Variants in SLC24A2 observed in about 807,000 individuals in gnomAD.
The protein encoded by SLC24A2 is sodium/potassium/calcium exchanger 2.
Under a neutral mutation model 62.0 loss-of-function variants are expected in SLC24A2, and 36 were observed. That is an observed-to-expected ratio of 0.58 (90% CI 0.44 to 0.77). The LOEUF (loss-of-function observed/expected upper bound fraction) is 0.77. SLC24A2 is among the 30% of genes least tolerant of loss of function. SLC24A2 has a pLI of 0.00. For synonymous variants in SLC24A2, 358 were observed against 294.0 expected (o/e 1.22, Z -2.23); for missense variants, 846 against 817.9 (o/e 1.03, Z -0.42).
intron 2 of SLC24A2, among the ~76,000 whole-genome samples, chr9:19,707,363 T>C (rs1820563483): frequency 1.3e-5 from 2 of 152,146 alleles, no homozygotes; most frequent in Admixed American, 1.3e-4. Flanking sequence ...CTGAAACTAT[T>C]CCAATCAATA....
chr9:19,927,400 T>G, the SLC24A2 span: 1 of 152,206 alleles, frequency 6.6e-6, no homozygotes, highest in Admixed American at 6.5e-5. Context: ...AAATGGCACC[T>G]ACTTCACTTG....
the SLC24A2 span, among the ~76,000 whole-genome samples, chr9:20,131,164 G>C: frequency 7.2e-5 from 11 of 152,064 alleles, no homozygotes; most frequent in African/African-American, 2.7e-4. Flanking sequence ...TACGCGCCCT[G>C]TGCACACAAG....
At chr9:19,901,814 T>C in the SLC24A2 span, among the ~76,000 whole-genome samples, 2 of 152,074 alleles carry the variant, frequency 1.3e-5, no homozygotes, top group African/African-American at 4.8e-5. Flanking sequence ...AAGTCTCTTA[T>C]CTAGCCAAAG....
the SLC24A2 span, among the ~76,000 whole-genome samples, chr9:19,881,169 C>T: frequency 6.6e-6 from 1 of 152,140 alleles, no homozygotes; most frequent in East Asian, 1.9e-4. Flanking sequence ...CCATTATACT[C>T]AGTGAGATCA....
intron 8 of SLC24A2, among the ~76,000 whole-genome samples, chr9:19,534,656 G>C (rs562181722): frequency 2.0e-5 from 3 of 152,206 alleles, no homozygotes; most frequent in South Asian, 2.1e-4. Context: ...ATAGTTTCCA[G>C]CTTCATCCAT....
rs1228970020 is a variant in SLC24A2 at position 19,541,541 on chromosome 9, AT to A, written c.1479+8595del. ...TCGGGGGTCAGGGGTCAGGGACCCAATTGAGGAGGCAGTCTGCCCGTTCTCA... is the reference window on the plus strand; with the variant it reads ...TCGGGGGTCAGGGGTCAGGGACCCAATGAGGAGGCAGTCTGCCCGTTCTCA... On this transcript the variant is annotated intron_variant, in intron 8 of 10. Transcript: ENST00000341998. Among the ~76,000 whole-genome samples the A allele has an allele frequency of 4.1e-5, 6 of 147,812 alleles. No individual in the cohort carries two copies. The South Asian group carries it at 1.3e-3, about 32-fold the overall frequency.
the SLC24A2 span, among the ~76,000 whole-genome samples, chr9:20,076,885 AT>A: frequency 1.9e-4 from 19 of 100,846 alleles, no homozygotes; most frequent in South Asian, 5.8e-4. Flanking sequence ...ATATATACAT[AT>A]CATATGTGTA....
At chr9:20,134,616 G>C in the SLC24A2 span, among the ~76,000 whole-genome samples, 1 of 152,144 alleles carries the variant, frequency 6.6e-6, no homozygotes, top group East Asian at 1.9e-4. Context: ...GAAAATTGGA[G>C]GCAAGAGAAA....
the SLC24A2 span, among the ~76,000 whole-genome samples, chr9:20,095,660 C>T: frequency 0.21 from 31,950 of 151,904 alleles, 3,729 homozygotes; most frequent in East Asian, 0.46. Context: ...ATTTCCACAA[C>T]TGTGTGAGCC....
chr9:19,836,550 G>T, the SLC24A2 span, among the ~76,000 whole-genome samples: 5 of 152,112 alleles, frequency 3.3e-5, no homozygotes, highest in Non-Finnish European at 2.9e-5. Flanking sequence ...TCTCTGAATA[G>T]ACCAATAACA....
chr9:20,199,343 A>T, the SLC24A2 span, among the ~76,000 whole-genome samples: 1 of 152,218 alleles, frequency 6.6e-6, no homozygotes, highest in African/African-American at 2.4e-5. Context: ...TGAGACAGGC[A>T]CTGTATATTA....
rs374548523 is a variant in SLC24A2 at position 19,642,956 on chromosome 9, A to C, written c.931-20657T>G. Among the ~76,000 whole-genome samples the C allele has an allele frequency of 1.9e-3, 274 of 147,408 alleles. 12 individuals carry two copies. The South Asian group carries it at 0.056, about 30-fold the overall frequency. On this transcript the variant is annotated intron_variant, in intron 2 of 10. Coordinates refer to ENST00000341998, the MANE Select transcript of SLC24A2 (RefSeq NM_020344.4). ...TGGCTTCCCAAAGTGCTGGGATTAC[A>C]GGCGTGAGCCACCGTGCCTGGCCAG...
At chr9:19,954,213 G>C in the SLC24A2 span, among the ~76,000 whole-genome samples, 1 of 151,828 alleles carries the variant, frequency 6.6e-6, no homozygotes, top group African/African-American at 2.4e-5. Context: ...TTATTTTATG[G>C]ATCCTTGTAT....
chr9:20,194,259 T>C, the SLC24A2 span, among the ~76,000 whole-genome samples: 5 of 152,130 alleles, frequency 3.3e-5, no homozygotes, highest in African/African-American at 7.2e-5. Context: ...CTTAGACTTC[T>C]GTATGGAAGA....
At chr9:20,106,687 T>C in the SLC24A2 span, among the ~76,000 whole-genome samples, 1 of 152,278 alleles carries the variant, frequency 6.6e-6, no homozygotes, top group East Asian at 1.9e-4. Flanking sequence ...TAGGTATTGA[T>C]GGGACATATC....
the SLC24A2 span, among the ~76,000 whole-genome samples, chr9:19,938,073 T>C: frequency 1.3e-5 from 2 of 152,174 alleles, no homozygotes; most frequent in African/African-American, 4.8e-5. Flanking sequence ...CTATACTGTA[T>C]AGATTAAAAA....
chr9:19,893,044 C>T, the SLC24A2 span, among the ~76,000 whole-genome samples: 2 of 152,128 alleles, frequency 1.3e-5, no homozygotes, highest in Non-Finnish European at 2.9e-5. Flanking sequence ...ATGGTTTCCC[C>T]AAACACATTC....
At chr9:19,608,842 C>T (rs1359056339) in intron 4 of SLC24A2, among the ~76,000 whole-genome samples, 2 of 152,158 alleles carry the variant, frequency 1.3e-5, no homozygotes, top group South Asian at 4.2e-4. Flanking sequence ...ACCTAGCACC[C>T]CTCGACAGGA....
chr9:19,712,305 C>A (rs988109563), intron 2 of SLC24A2, among the ~76,000 whole-genome samples: 1 of 152,200 alleles, frequency 6.6e-6, no homozygotes, highest in Non-Finnish European at 1.5e-5. Context: ...TGACCACACT[C>A]GAGAACTCTA....
Sources: allele counts gnomAD v4.1 joint callset (sites outside exome capture counted in the v4.1 genomes callset), GRCh38; gene constraint gnomAD v4.1.1; transcripts MANE v1.5; gene names NCBI Gene and HGNC (gene_info 2026-07-23, HGNC 2026-07-21).